CADPS2: variants seen among roughly 807,000 people sequenced by gnomAD.
CADPS2 encodes the protein calcium dependent secretion activator 2.
A neutral mutation model predicts 172.5 loss-of-function variants in CADPS2; 93 were observed. The observed-to-expected ratio is 0.54, with a 90% CI of 0.46 to 0.64. The LOEUF is 0.64. Among genes scored for constraint, CADPS2 ranks in the 30% least tolerant of loss-of-function variants. The probability of loss-of-function intolerance (pLI) is 0.00; values close to 1 mark genes in which losing one functional copy is unlikely to be tolerated. For missense variants in CADPS2, 1,420 were observed against 1,565.9 expected (o/e 0.91, Z 1.57); for synonymous variants, 546 against 555.2 (o/e 0.98, Z 0.23).
At chr7:122,355,544 T>C (rs1043488683) in intron 27 of CADPS2, among the ~76,000 whole-genome samples, 11 of 151,128 alleles carry the variant, frequency 7.3e-5, no homozygotes, top group Non-Finnish European at 8.8e-5. Context: ...ATCAGGCCAC[T>C]GCACTCCAGC....
intron 7 of CADPS2, among the ~76,000 whole-genome samples, chr7:122,573,477 C>T (rs1563744885): frequency 6.6e-6 from 1 of 152,064 alleles, no homozygotes; most frequent in Non-Finnish European, 1.5e-5. Context: ...GAAATTGAGG[C>T]TGCAGTAAGC....
chr7:122,718,402 A>G (rs1274122456), intron 2 of CADPS2, among the ~76,000 whole-genome samples: 1 of 152,028 alleles, frequency 6.6e-6, no homozygotes, highest in African/African-American at 2.4e-5. Context: ...GGAGAGAAGT[A>G]GAAAGAGGGA....
chr7:122,690,490 G>A (rs2084198464), intron 2 of CADPS2, among the ~76,000 whole-genome samples: 1 of 152,158 alleles, frequency 6.6e-6, no homozygotes, highest in Non-Finnish European at 1.5e-5. Context: ...TTCCCCACAG[G>A]AGGCCACAAT....
At chr7:122,641,315 T>C (rs537646224) in intron 3 of CADPS2, among the ~76,000 whole-genome samples, 2 of 152,306 alleles carry the variant, frequency 1.3e-5, no homozygotes, top group East Asian at 1.9e-4. Flanking sequence ...TTGACAAATA[T>C]TTAGTTCAGA....
chr7:122,604,587 A>C (rs1395373225), intron 6 of CADPS2, among the ~76,000 whole-genome samples: 5 of 152,122 alleles, frequency 3.3e-5, no homozygotes, highest in African/African-American at 1.2e-4. Context: ...AAGTCTTTAG[A>C]GTTCAGGACT....
In CADPS2 at chr7:122,619,533, G is replaced by A. The variant is rs189677561; in HGVS notation, c.1104+1948C>T. On this transcript the variant is annotated intron_variant, in intron 5 of 29. Transcript: ENST00000449022. Reference sequence around the variant, plus strand: ...TCCCATCTACTCAGGAGGCTGAAGCGGGAGAATCACTTGAACCCAGGAAGT... The same window carrying A: ...TCCCATCTACTCAGGAGGCTGAAGCAGGAGAATCACTTGAACCCAGGAAGT... 4.4e-3 allele frequency among the ~76,000 whole-genome samples: 676 copies of A among 152,104 alleles called. 1 individual carries two copies. Among genetic ancestry groups the A allele is most frequent in the Non-Finnish European group, 7.4e-3 (505 of 67,984 alleles).
chr7:122,459,569 TAAA>T (rs1202211811), intron 14 of CADPS2, among the ~76,000 whole-genome samples: 3 of 152,184 alleles, frequency 2.0e-5, no homozygotes, highest in Non-Finnish European at 2.9e-5. Flanking sequence ...TTTTATATAC[TAAA>T]AAGGGGATCT....
chr7:122,841,507 G>C (rs1584841461), intron 1 of CADPS2, among the ~76,000 whole-genome samples: 1 of 152,252 alleles, frequency 6.6e-6, no homozygotes, highest in Middle Eastern at 3.4e-3. Context: ...TATAAAATAT[G>C]CTATAGTAGT....
chr7:122,443,259 T>C (rs1290538011), intron 15 of CADPS2, among the ~76,000 whole-genome samples: 1 of 152,168 alleles, frequency 6.6e-6, no homozygotes, highest in Non-Finnish European at 1.5e-5. Flanking sequence ...ATTTACGGAG[T>C]ACAAGTAATC....
intron 8 of CADPS2, among the ~76,000 whole-genome samples, chr7:122,523,755 G>A (rs529572396): frequency 2.8e-4 from 43 of 152,110 alleles, no homozygotes; most frequent in African/African-American, 9.2e-4. Flanking sequence ...CAAAATTTTT[G>A]TCTACACATG....
chr7:122,438,292 G>A, intron 17 of CADPS2, 49 bp downstream of exon 17: 1 of 1,608,106 alleles, frequency 6.2e-7, no homozygotes, highest in Non-Finnish European at 8.5e-7. Flanking sequence ...TCAGTTACTA[G>A]GCATTGTTGG....
intron 2 of CADPS2, among the ~76,000 whole-genome samples, chr7:122,735,607 T>C (rs1278411960): frequency 6.6e-6 from 1 of 152,156 alleles, no homozygotes; most frequent in Non-Finnish European, 1.5e-5. Flanking sequence ...ATTCTAGGTT[T>C]ACACAAAAGT....
intron 15 of CADPS2, among the ~76,000 whole-genome samples, chr7:122,449,969 T>C (rs896084089): frequency 1.3e-5 from 2 of 152,138 alleles, no homozygotes; most frequent in South Asian, 2.1e-4. Context: ...TGTAGGGGAA[T>C]AGATTTATAG....
At chr7:122,841,724 G>A (rs1810566710) in intron 1 of CADPS2, among the ~76,000 whole-genome samples, 1 of 152,120 alleles carries the variant, frequency 6.6e-6, no homozygotes, top group African/African-American at 2.4e-5. Context: ...AGAAAACGAA[G>A]AGTTGCCTTA....
intron 25 of CADPS2, chr7:122,379,166 T>G (rs2151346133): frequency 2.5e-6 from 1 of 403,714 alleles, no homozygotes; most frequent in East Asian, 4.2e-5. Flanking sequence ...AAGCCAAAAT[T>G]TATTATATAC....
At chr7:122,860,875 T>A (rs1313624918) in intron 1 of CADPS2, among the ~76,000 whole-genome samples, 2 of 152,212 alleles carry the variant, frequency 1.3e-5, no homozygotes, top group East Asian at 3.9e-4. Context: ...CATAACATCC[T>A]CTAGGTTCAT....
chr7:122,643,769 G>A (rs973365337), intron 3 of CADPS2, among the ~76,000 whole-genome samples: 6 of 152,002 alleles, frequency 3.9e-5, no homozygotes, highest in African/African-American at 1.5e-4. Context: ...GATGAAAAGA[G>A]TGAGGGGAGG....
chr7:122,643,731 G>T (rs1457284958), intron 3 of CADPS2, among the ~76,000 whole-genome samples: 1 of 152,080 alleles, frequency 6.6e-6, no homozygotes, highest in African/African-American at 2.4e-5. Flanking sequence ...GGGGAAGAGG[G>T]AGAGGGATGA....
chr7:122,621,841 A>G, intron 4 of CADPS2, 124 bp from the exon 5 acceptor site: 1 of 624,258 alleles, frequency 1.6e-6, no homozygotes, highest in African/African-American at 1.8e-5. Context: ...TATCTATCCT[A>G]CTTGAGTCAC....
Sources: gnomAD v4.1 joint callset for allele counts (sites outside exome capture counted in the v4.1 genomes callset) on GRCh38, gnomAD v4.1.1 for gene constraint, MANE v1.5 for transcripts, NCBI Gene and HGNC (gene_info 2026-07-23, HGNC 2026-07-21) for gene names.